The following PLA2G4D variants were observed in gnomAD, a reference collection of about 807,000 sequenced individuals.
PLA2G4D encodes the protein phospholipase A2 group IVD.
Under a neutral mutation model 94.4 loss-of-function variants are expected in PLA2G4D, and 80 were observed. The ratio of observed to expected loss-of-function variants is 0.85; its 90% CI spans 0.71 to 1.02. PLA2G4D has a LOEUF of 1.02. Ranked by LOEUF, PLA2G4D falls within the 50% of genes least tolerant of loss-of-function variation. PLA2G4D has a pLI of 0.00. For synonymous variants in PLA2G4D, 438 were observed against 440.9 expected (o/e 0.99, Z 0.08); for missense variants, 1,050 against 1,034.7 (o/e 1.01, Z -0.20).
Position 42,069,947 on chromosome 15 carries a change from G to A in PLA2G4D, c.2192C>T (p.Pro731Leu), listed in dbSNP as rs559460560. 5.1e-5 allele frequency: 74 copies of A among 1,451,044 alleles called. No homozygotes were observed. Among genetic ancestry groups the A allele is most frequent in the African/African-American group, 3.0e-5 (2 of 66,762 alleles). The allele number at this position is 1,451,044 out of a possible 1,614,324, so 89.9% of individuals were successfully genotyped here. ...CPEAPILLHF[P>L]LVNASFKDHS... ...GTCCTTGAAGGAGGCATTGACCAGC[G>A]GGAAGTGCAGCAGGATCGGGGCCTC... Residue 731 changes from proline to leucine, a missense_variant, in exon 19 of 20, where the codon CCG becomes CTG. By Grantham distance (98) the Pro-to-Leu change is moderately conservative. Coordinates refer to ENST00000290472, the MANE Select transcript of PLA2G4D (RefSeq NM_178034.4).
chr15:42,069,962 A>G lies in PLA2G4D; in HGVS notation c.2177T>C (p.Ile726Thr). ...ATTGACCAGCGGGAAGTGCAGCAGGATCGGGGCCTCGGGGCAGGCGGGGTC... is the reference window on the plus strand; with the variant it reads ...ATTGACCAGCGGGAAGTGCAGCAGGGTCGGGGCCTCGGGGCAGGCGGGGTC... ...FSDPACPEAP[I>T]LLHFPLVNAS... The change falls in exon 19 of 20, where the codon ATC becomes ACC. Residue 726 changes from isoleucine to threonine, a missense_variant. Transcript: ENST00000290472. 1 of 1,467,006 alleles carries G rather than the reference A, an allele frequency of 6.8e-7. No individual in the cohort carries two copies. Among genetic ancestry groups the G allele is most frequent in the Non-Finnish European group, 9.0e-7 (1 of 1,112,556 alleles). 90.9% of individuals were successfully genotyped at this position (1,467,006 alleles called of 1,614,324 possible).
At chr15:42,070,510 G>C (rs1359725835) in intron 18 of PLA2G4D, 1 of 615,846 alleles carries the variant, frequency 1.6e-6, no homozygotes, top group Non-Finnish European at 2.8e-6. Context: ...GTCCCTCCCT[G>C]TTCACCTGTC....
chr15:42,085,264 G>A (rs1000105278), intron 5 of PLA2G4D, 126 bp from the exon 6 acceptor site: 3 of 1,174,904 alleles, frequency 2.6e-6, no homozygotes, highest in South Asian at 1.2e-5. Context: ...GGGACAAGGG[G>A]AGATGCTTTG....
Position 42,084,439 on chromosome 15 carries a change from G to A in PLA2G4D, c.471+657C>T, listed in dbSNP as rs1890101147. On this transcript the variant is annotated intron_variant, in intron 6 of 19. Coordinates refer to ENST00000290472, the MANE Select transcript of PLA2G4D (RefSeq NM_178034.4). This position sits in a 1 kb window ranked among gnomAD's most constrained non-coding sequence, Gnocchi z 4.8. ...AAAAGTAATACCCGTCCATCAAACA[G>A]CCCCTAGGAGCTTAAATGCTGGGCT... 6.6e-6 allele frequency among the ~76,000 whole-genome samples: 1 copy of A among 152,176 alleles called. No homozygotes were observed. The highest frequency in any genetic ancestry group is 2.1e-4 in the South Asian group (1 of 4,826).
At position 42,086,199 on chromosome 15, in the gene PLA2G4D, A is replaced by AC; in HGVS notation, c.387+13dup. The AC allele has an allele frequency of 4.3e-6, 1 of 233,122 alleles. No homozygotes were observed. The highest frequency in any genetic ancestry group is 7.5e-6 in the Non-Finnish European group (1 of 132,700). 14.4% of individuals were successfully genotyped at this position (233,122 alleles called of 1,614,324 possible). A position where few individuals can be genotyped will look rare whatever the true frequency, so the allele number is the denominator to read the frequency against. ...AAGTGGGGCCCACGGGGACTTCCCC[A>AC]CCCACCCACCCACCTGGGGACTCTG... is the stretch of plus-strand genomic sequence containing the variant. On this transcript the variant is annotated intron_variant, in intron 4 of 19. Transcript: ENST00000290472.
intron 12 of PLA2G4D, among the ~76,000 whole-genome samples, 156 bp from the exon 13 acceptor site, chr15:42,079,915 A>G (rs1271611342): frequency 1.3e-5 from 2 of 152,272 alleles, no homozygotes; most frequent in African/African-American, 4.8e-5. Context: ...CTCTCCTTCT[A>G]GATCAGCGCT....
intron 14 of PLA2G4D, 51 bp downstream of exon 14, chr15:42,072,224 C>T (rs564539899): frequency 1.0e-4 from 150 of 1,483,502 alleles, no homozygotes; most frequent in Non-Finnish European, 1.3e-4. Flanking sequence ...TGTCGGGGTG[C>T]AGAGGGTTTG....
chr15:42,080,875 G>A lies in PLA2G4D; in HGVS notation c.1094+122C>T, dbSNP rs896316110. 5.9e-5 allele frequency: 77 copies of A among 1,295,076 alleles called. 1 individual carries two copies. In the East Asian group the frequency reaches 8.4e-4, roughly 14 times the overall value. The allele number at this position is 1,295,076 out of a possible 1,614,324, so 80.2% of individuals were successfully genotyped here. A position where few individuals can be genotyped will look rare whatever the true frequency, so the allele number is the denominator to read the frequency against. On this transcript the variant is annotated intron_variant, in intron 12 of 19. Transcript: ENST00000290472. ...CTTCCTTGTGGGAAAGCTGCTTGGCGCCCATCAGATCACAATGATCACACC... is the reference window on the plus strand; with the variant it reads ...CTTCCTTGTGGGAAAGCTGCTTGGCACCCATCAGATCACAATGATCACACC...
At chr15:42,080,891 T>G in intron 12 of PLA2G4D, 106 bp downstream of exon 12, 1 of 1,394,516 alleles carries the variant, frequency 7.2e-7, no homozygotes, top group African/African-American at 1.5e-5. Context: ...CAGATCACAA[T>G]GATCACACCT....
At chr15:42,071,593 C>T (rs778008230) in intron 15 of PLA2G4D, 42 bp from the exon 16 acceptor site, 45 of 1,561,362 alleles carry the variant, frequency 2.9e-5, no homozygotes, top group South Asian at 3.4e-5. Flanking sequence ...CCCCAGCCAG[C>T]GGCCCCACCC....
intron 3 of PLA2G4D, 57 bp from the exon 4 acceptor site, chr15:42,086,401 C>A (rs1048889509): frequency 1.3e-6 from 2 of 1,574,040 alleles, no homozygotes; most frequent in African/African-American, 1.3e-5. Flanking sequence ...GAGTAGCTCA[C>A]CTCTGTTGAG....
rs146265119 is a variant in PLA2G4D, at chr15:42,077,507, G to A, written c.1317+2030C>T. On this transcript the variant is annotated intron_variant, in intron 13 of 19. Transcript: ENST00000290472. The stretch of plus-strand genomic sequence containing the variant: ...GTGCCCTGGTTACATAATCAAAAAT[G>A]CCTTCCCAAGTCTCACCTCATTCTT... Among the ~76,000 whole-genome samples the A allele has an allele frequency of 5.6e-3, 848 of 152,296 alleles. 5 individuals carry two copies. The highest frequency in any genetic ancestry group is 0.024 in the Middle Eastern group (7 of 294).
At chr15:42,070,934 C>A in intron 17 of PLA2G4D, 51 bp from the exon 18 acceptor site, 1 of 1,579,818 alleles carries the variant, frequency 6.3e-7, no homozygotes. Context: ...CACAGGTCAT[C>A]CATGTCCCCT....
At chr15:42,081,419 A>G in intron 11 of PLA2G4D, 60 bp downstream of exon 11, 1 of 1,571,916 alleles carries the variant, frequency 6.4e-7, no homozygotes, top group Non-Finnish European at 8.6e-7. Context: ...CATAGGAATC[A>G]GGTACTCCCT....
In PLA2G4D at chr15:42,068,061, T is replaced by C. The variant is rs1354904933; in HGVS notation, c.*654A>G. On this transcript the variant is annotated 3_prime_UTR_variant, in exon 20 of 20. Coordinates refer to ENST00000290472, the MANE Select transcript of PLA2G4D (RefSeq NM_178034.4). The stretch of plus-strand genomic sequence containing the variant: ...GAAAATTCTAAGAAATCCGCAAAAG[T>C]ATTAGAGCCGGTAAACAACTTCAGC... The C allele has an allele frequency of 6.6e-6, 1 of 152,234 alleles. No individual in the cohort carries two copies. The highest frequency in any genetic ancestry group is 2.4e-5 in the African/African-American group (1 of 41,426). 9.4% of individuals were successfully genotyped at this position (152,234 alleles called of 1,614,324 possible).
At chr15:42,086,819 T>G (rs1439530578) in intron 3 of PLA2G4D, among the ~76,000 whole-genome samples, 9 of 152,132 alleles carry the variant, frequency 5.9e-5, no homozygotes, top group Non-Finnish European at 1.5e-5. Flanking sequence ...GCCATTCAAC[T>G]CCAACCTGGG....
At position 42,086,239 on chromosome 15, in the gene PLA2G4D, G is replaced by A. The variant is rs369408360; in HGVS notation, c.361C>T (p.Arg121Trp). ...ISEVLPGKLL[R>W]KTFSQSPQGE... is the part of the protein sequence containing the mutation. ...TGGGGACTCTGGGAGAAGGTTTTCC[G>A]GAGCAGCTTGCCAGGGAGGACTTCT... The change falls in exon 4 of 20, where the codon CGG (arginine) becomes TGG (tryptophan). Residue 121 changes from arginine (R) to tryptophan (W), a missense_variant. Physicochemically the swap from Arg to Trp is moderately radical, Grantham distance 101. Coordinates refer to ENST00000290472, the MANE Select transcript of PLA2G4D (RefSeq NM_178034.4). 3.9e-5 allele frequency: 60 copies of A among 1,546,142 alleles called. No homozygotes were observed. The highest frequency in any genetic ancestry group is 2.1e-4 in the African/African-American group (13 of 63,374).
chr15:42,085,317 G>A (rs59595392), intron 5 of PLA2G4D, among the ~76,000 whole-genome samples, 174 bp downstream of exon 5: 2,252 of 152,100 alleles, frequency 0.015, 57 homozygotes, highest in African/African-American at 0.052. Context: ...AGAAAACATC[G>A]GCCTTCCTCT....
chr15:42,074,907 G>A (rs530168921), intron 13 of PLA2G4D, among the ~76,000 whole-genome samples: 3 of 152,256 alleles, frequency 2.0e-5, no homozygotes, highest in South Asian at 2.1e-4. Context: ...TTCATATTGG[G>A]ACAAAATTTT....
Sources: gnomAD v4.1 joint callset for allele counts (sites outside exome capture counted in the v4.1 genomes callset) on GRCh38, gnomAD v4.1.1 for gene constraint, Gnocchi (gnomAD v3.1) non-coding constraint, MANE v1.5 for transcripts, NCBI Gene and HGNC (gene_info 2026-07-23, HGNC 2026-07-21) for gene names.